Variants in UBE2R2 observed in about 807,000 individuals in gnomAD.
UBE2R2 encodes ubiquitin conjugating enzyme E2 R2.
Under a neutral mutation model 27.8 loss-of-function variants are expected in UBE2R2, and 1 was observed. That is an observed-to-expected ratio of 0.04 (90% CI 0.01 to 0.17). The LOEUF (loss-of-function observed/expected upper bound fraction) is 0.17. Ranked by LOEUF, UBE2R2 falls within the 10% of genes least tolerant of loss-of-function variation. The pLI, the probability that UBE2R2 is intolerant of heterozygous loss-of-function variation, is 1.00. For missense variants in UBE2R2, 100 were observed against 291.0 expected (o/e 0.34, Z 4.78); for synonymous variants, 106 against 113.3 (o/e 0.94, Z 0.41).
chr9:33,884,867 G>A (rs1821822492), intron 1 of UBE2R2, among the ~76,000 whole-genome samples: 1 of 152,076 alleles, frequency 6.6e-6, no homozygotes, highest in African/African-American at 2.4e-5. Context: ...GCACCTGCAG[G>A]AATCCAATTC....
chr9:33,905,655 C>T (rs940272358), intron 3 of UBE2R2, among the ~76,000 whole-genome samples: 1 of 152,246 alleles, frequency 6.6e-6, no homozygotes, highest in East Asian at 1.9e-4. Flanking sequence ...AATGTAAACC[C>T]GTTAAGCTAC....
intron 2 of UBE2R2, among the ~76,000 whole-genome samples, chr9:33,891,936 G>C (rs534986331): frequency 6.6e-6 from 1 of 152,272 alleles, no homozygotes; most frequent in African/African-American, 2.4e-5. Flanking sequence ...GGAAGGCTGA[G>C]GTGGGAGGGT....
chr9:33,848,716 C>G lies in UBE2R2; in HGVS notation c.177+30782C>G, dbSNP rs183212880. 5.3e-4 allele frequency among the ~76,000 whole-genome samples: 80 copies of G among 151,926 alleles called. 1 individual carries two copies. In the Middle Eastern group the frequency reaches 0.02, roughly 39 times the overall value. On this transcript the variant is annotated intron_variant, in intron 1 of 4. Transcript: ENST00000263228. Reference sequence around the variant, plus strand: ...TCCCAGGTTCTAGCAATTCTCCTGCCTTAGCCTCCCGAATAGCTGAGGTTG... The same window carrying G: ...TCCCAGGTTCTAGCAATTCTCCTGCGTTAGCCTCCCGAATAGCTGAGGTTG...
intron 2 of UBE2R2, among the ~76,000 whole-genome samples, chr9:33,891,055 GT>G (rs776729663): frequency 1.6e-4 from 20 of 126,110 alleles, no homozygotes; most frequent in Admixed American, 3.1e-4. Flanking sequence ...GTGTTTTTTT[GT>G]TTTTTTTTTT....
chr9:33,871,222 G>A (rs544396010), intron 1 of UBE2R2, among the ~76,000 whole-genome samples: 19 of 152,266 alleles, frequency 1.2e-4, no homozygotes, highest in African/African-American at 3.6e-4. Context: ...TTAAAACATA[G>A]CCATTCAGGC....
At chr9:33,894,037 C>T (rs942067295) in intron 2 of UBE2R2, among the ~76,000 whole-genome samples, 1 of 152,074 alleles carries the variant, frequency 6.6e-6, no homozygotes, top group Admixed American at 6.6e-5. Context: ...AAATGGACTG[C>T]CAAATTTTTT....
At chr9:33,907,921 C>T (rs555689208) in intron 3 of UBE2R2, among the ~76,000 whole-genome samples, 15 of 152,016 alleles carry the variant, frequency 9.9e-5, no homozygotes, top group African/African-American at 1.9e-4. Flanking sequence ...CTCCACCTCC[C>T]GGGTTCAAAC....
At chr9:33,853,288 C>CTT (rs71506143) in intron 1 of UBE2R2, among the ~76,000 whole-genome samples, 22,322 of 115,192 alleles carry the variant, frequency 0.19, 2,718 homozygotes, top group South Asian at 0.36. Flanking sequence ...TTTTCTCTCT[C>CTT]TTTTTTTTTT....
chr9:33,816,037 G>A (rs896867496), upstream of UBE2R2, among the ~76,000 whole-genome samples: 5 of 152,078 alleles, frequency 3.3e-5, no homozygotes, highest in Non-Finnish European at 7.4e-5. Context: ...TCGCGCCACT[G>A]TGCTACAGCC....
intron 1 of UBE2R2, among the ~76,000 whole-genome samples, chr9:33,880,220 C>T (rs1483714985): frequency 6.6e-6 from 1 of 152,018 alleles, no homozygotes; most frequent in African/African-American, 2.4e-5. Context: ...TAAGTAGAAG[C>T]TTATATTATT....
chr9:33,910,660 G>T (rs981597032), intron 3 of UBE2R2, among the ~76,000 whole-genome samples: 1 of 152,180 alleles, frequency 6.6e-6, no homozygotes, highest in Non-Finnish European at 1.5e-5. Flanking sequence ...TTTGAATAAA[G>T]ATTTCTATTA....
chr9:33,856,968 C>T (rs1821120932), intron 1 of UBE2R2, among the ~76,000 whole-genome samples: 1 of 144,562 alleles, frequency 6.9e-6, no homozygotes, highest in Non-Finnish European at 1.5e-5. Flanking sequence ...TCAATCTCGG[C>T]TCACTGCAAC....
At chr9:33,891,455 G>A (rs1369659271) in intron 2 of UBE2R2, among the ~76,000 whole-genome samples, 3 of 151,914 alleles carry the variant, frequency 2.0e-5, no homozygotes, top group Non-Finnish European at 4.4e-5. Flanking sequence ...GGACTAGCCT[G>A]GCCAACTCAG....
In UBE2R2 at chr9:33,873,195, A is replaced by AG. The variant is rs1288281157; in HGVS notation, c.178-13686_178-13685insG. 9.3e-5 allele frequency among the ~76,000 whole-genome samples: 14 copies of AG among 149,800 alleles called. No individual in the cohort carries two copies. In the Admixed American group the frequency reaches 9.4e-4, roughly 10 times the overall value. On this transcript the variant is annotated intron_variant, in intron 1 of 4. Transcript: ENST00000263228. ...GTCTTAAAAAAAAAAAAAAAAAAAA[A>AG]AAGATCTAATATCATAGATACTACT...
chr9:33,891,284 C>T (rs1333168287), intron 2 of UBE2R2, among the ~76,000 whole-genome samples: 1 of 151,766 alleles, frequency 6.6e-6, no homozygotes, highest in Non-Finnish European at 1.5e-5. Flanking sequence ...CGTGATCCAC[C>T]TGCCTCGGCC....
chr9:33,831,407 T>A (rs975989688), intron 1 of UBE2R2, among the ~76,000 whole-genome samples: 1 of 152,150 alleles, frequency 6.6e-6, no homozygotes, highest in African/African-American at 2.4e-5. Flanking sequence ...TTCCTTCTTA[T>A]GACTTAATAC....
At chr9:33,844,315 C>G (rs1434136487) in intron 1 of UBE2R2, among the ~76,000 whole-genome samples, 1 of 151,802 alleles carries the variant, frequency 6.6e-6, no homozygotes, top group Non-Finnish European at 1.5e-5. Context: ...AGCGATTCTT[C>G]TGCCTCAGCC....
chr9:33,898,901 A>T (rs1822184349), intron 2 of UBE2R2, among the ~76,000 whole-genome samples: 1 of 152,250 alleles, frequency 6.6e-6, no homozygotes, highest in Non-Finnish European at 1.5e-5. Context: ...ATGGTGGGCA[A>T]TCCATATGTG....
chr9:33,857,497 T>C (rs145238997), intron 1 of UBE2R2, among the ~76,000 whole-genome samples: 1 of 151,608 alleles, frequency 6.6e-6, no homozygotes, highest in Non-Finnish European at 1.5e-5. Flanking sequence ...TTTATATTTT[T>C]AGTTGATGGG....
Sources: gnomAD v4.1 joint callset for allele counts (sites outside exome capture counted in the v4.1 genomes callset) on GRCh38, gnomAD v4.1.1 for gene constraint, MANE v1.5 for transcripts, NCBI Gene and HGNC (gene_info 2026-07-23, HGNC 2026-07-21) for gene names.